LRRC8D: variants seen among roughly 807,000 people sequenced by gnomAD.
The protein encoded by LRRC8D is volume-regulated anion channel subunit LRRC8D.
LRRC8D carries 20 observed loss-of-function variants against 55.8 expected under a neutral mutation model. That is an observed-to-expected ratio of 0.36 (90% confidence interval 0.25 to 0.52). The LOEUF (loss-of-function observed/expected upper bound fraction) is 0.52, where lower values mean the gene tolerates loss of function less well. Among genes scored for constraint, LRRC8D ranks in the 20% least tolerant of loss-of-function variants. The pLI is 0.93. For synonymous variants in LRRC8D, 352 were observed against 377.0 expected (o/e 0.93, Z 0.77); for missense variants, 651 against 1,030.8 (o/e 0.63, Z 5.05).
intron 2 of LRRC8D, among the ~76,000 whole-genome samples, chr1:89,898,245 A>T (rs1415598042): frequency 6.6e-6 from 1 of 152,202 alleles, no homozygotes; most frequent in Non-Finnish European, 1.5e-5. Flanking sequence ...ATCTAAAAGC[A>T]ATTCATGGGA....
chr1:89,861,377 A>T (rs1287370755), intron 2 of LRRC8D, among the ~76,000 whole-genome samples: 1 of 152,142 alleles, frequency 6.6e-6, no homozygotes. Flanking sequence ...ATTCCTTCCC[A>T]CTGACTTTGT....
intron 2 of LRRC8D, among the ~76,000 whole-genome samples, chr1:89,915,878 A>G (rs1462595480): frequency 6.6e-6 from 1 of 152,234 alleles, no homozygotes; most frequent in East Asian, 1.9e-4. Flanking sequence ...AAGATTATCA[A>G]AGTCAAAGAC....
intron 1 of LRRC8D, among the ~76,000 whole-genome samples, chr1:89,840,384 G>C (rs1299263988): frequency 6.6e-6 from 1 of 152,180 alleles, no homozygotes; most frequent in Non-Finnish European, 1.5e-5. Context: ...GGGCTGTGTT[G>C]TATTCTCCAA....
At chr1:89,892,470 C>T (rs1334422204) in intron 2 of LRRC8D, among the ~76,000 whole-genome samples, 1 of 152,056 alleles carries the variant, frequency 6.6e-6, no homozygotes, top group East Asian at 1.9e-4. Context: ...ACTCTAGGTG[C>T]AGTCATTTGA....
chr1:89,912,388 A>G (rs79268937), intron 2 of LRRC8D, among the ~76,000 whole-genome samples: 1,954 of 151,458 alleles, frequency 0.013, 43 homozygotes, highest in African/African-American at 0.044. Flanking sequence ...CCATCCTTCA[A>G]TTTTCCAACC....
chr1:89,890,144 C>T (rs539577182), intron 2 of LRRC8D, among the ~76,000 whole-genome samples: 1 of 152,230 alleles, frequency 6.6e-6, no homozygotes, highest in Non-Finnish European at 1.5e-5. Context: ...GCCAAGATCA[C>T]GCCACTGCTC....
In LRRC8D at chr1:89,934,545, G is replaced by T. The variant is rs890895858; in HGVS notation, c.1477G>T (p.Asp493Tyr). Residue 493 changes from aspartate (D) to tyrosine (Y), a missense_variant, in exon 3 of 3, where the codon GAT becomes TAT. Coordinates refer to ENST00000337338, the MANE Select transcript of LRRC8D (RefSeq NM_001134479.2). The surrounding 1 kb of genome is among the most constrained non-coding windows in gnomAD (Gnocchi z 5.9). ...PDAVFDLTDLDVLKLELIPEA... is the reference protein window; with the variant it reads ...PDAVFDLTDLYVLKLELIPEA... ...TGCTGTCTTTGACCTCACAGACCTGGATGTGCTAAAGCTTGAACTAATTCC... is the reference window on the plus strand; with the variant it reads ...TGCTGTCTTTGACCTCACAGACCTGTATGTGCTAAAGCTTGAACTAATTCC... 2.5e-6 allele frequency: 4 copies of T among 1,614,174 alleles called. No individual in the cohort carries two copies. In the South Asian group the frequency reaches 3.3e-5, roughly 13 times the overall value.
chr1:89,921,512 A>G (rs1663417488), intron 2 of LRRC8D, among the ~76,000 whole-genome samples: 1 of 151,726 alleles, frequency 6.6e-6, no homozygotes, highest in South Asian at 2.1e-4. Flanking sequence ...TAAACTTTTA[A>G]AGGTTTTTTT....
At chr1:89,891,974 G>A (rs565903372) in intron 2 of LRRC8D, among the ~76,000 whole-genome samples, 2 of 152,102 alleles carry the variant, frequency 1.3e-5, no homozygotes, top group African/African-American at 4.8e-5. Flanking sequence ...CTGTATCTCC[G>A]GTTCCATGTA....
intron 2 of LRRC8D, among the ~76,000 whole-genome samples, chr1:89,899,956 T>C (rs899998773): frequency 6.6e-6 from 1 of 152,224 alleles, no homozygotes; most frequent in Admixed American, 6.5e-5. Flanking sequence ...TGCTGGGTAG[T>C]ATACTAGTCC....
At chr1:89,842,843 G>A (rs1345985068) in intron 1 of LRRC8D, among the ~76,000 whole-genome samples, 1 of 152,118 alleles carries the variant, frequency 6.6e-6, no homozygotes, top group Non-Finnish European at 1.5e-5. Flanking sequence ...AGAGAACTAC[G>A]GAATCATTTT....
At chr1:89,837,253 TA>T (rs1203477785) in intron 1 of LRRC8D, among the ~76,000 whole-genome samples, 1 of 152,186 alleles carries the variant, frequency 6.6e-6, no homozygotes, top group Non-Finnish European at 1.5e-5. Flanking sequence ...TCTTAATATT[TA>T]TTTATTCAGC....
Position 89,935,695 on chromosome 1 carries a change from C to A in LRRC8D, c.*50C>A. ...TGTGCAGGAACAACTTCCTAGATTG[C>A]AAGTGCTCACGTACAAGTTATTACA... On this transcript the variant is annotated 3_prime_UTR_variant, in exon 3 of 3. Transcript: ENST00000337338. 6.6e-7 allele frequency: 1 copy of A among 1,520,736 alleles called. No individual in the cohort carries two copies. Among genetic ancestry groups the A allele is most frequent in the Middle Eastern group, 1.8e-4 (1 of 5,662 alleles). The allele number at this position is 1,520,736 out of a possible 1,614,324, so 94.2% of individuals were successfully genotyped here.
intron 2 of LRRC8D, among the ~76,000 whole-genome samples, chr1:89,882,518 G>T (rs1320937081): frequency 6.6e-6 from 1 of 152,200 alleles, no homozygotes; most frequent in Non-Finnish European, 1.5e-5. Flanking sequence ...GATAATGAAT[G>T]CAGAAAAGGG....
At chr1:89,824,768 G>A (rs565852355) in intron 1 of LRRC8D, among the ~76,000 whole-genome samples, 2 of 151,946 alleles carry the variant, frequency 1.3e-5, no homozygotes, top group African/African-American at 4.8e-5. Flanking sequence ...TCAGTTTATC[G>A]GCATCTCACA....
chr1:89,935,459 C>A lies in LRRC8D; in HGVS notation c.2391C>A (p.Leu797=). 6.2e-7 allele frequency: 1 copy of A among 1,614,248 alleles called. No individual in the cohort carries two copies. Among genetic ancestry groups the A allele is most frequent in the Non-Finnish European group, 8.5e-7 (1 of 1,180,042 alleles). ...ITSLPEKVGQ[L]SQLTQLELKG... is the part of the protein sequence containing the mutation. ...CACTCCCAGAGAAAGTTGGTCAGCT[C>A]TCCCAGCTCACTCAGCTGGAGCTGA... Residue 797 remains leucine, a synonymous_variant, in exon 3 of 3, where the codon CTC becomes CTA. Transcript: ENST00000337338.
chr1:89,871,407 C>T (rs1405495534), intron 2 of LRRC8D, among the ~76,000 whole-genome samples: 3 of 152,182 alleles, frequency 2.0e-5, no homozygotes, highest in African/African-American at 4.8e-5. Context: ...TAACCGCCTG[C>T]GCATAGCGTT....
chr1:89,900,395 T>G (rs1662821151), intron 2 of LRRC8D, among the ~76,000 whole-genome samples: 1 of 150,580 alleles, frequency 6.6e-6, no homozygotes, highest in African/African-American at 2.5e-5. Flanking sequence ...GTGAGAGATG[T>G]AGGTTAAAAA....
At chr1:89,833,010 C>T (rs1660922490) in intron 1 of LRRC8D, among the ~76,000 whole-genome samples, 1 of 152,178 alleles carries the variant, frequency 6.6e-6, no homozygotes, top group African/African-American at 2.4e-5. Context: ...CAGCCAAGGT[C>T]ATTACAGGAA....
Sources: allele counts gnomAD v4.1 joint callset (sites outside exome capture counted in the v4.1 genomes callset), GRCh38; gene constraint gnomAD v4.1.1; non-coding constraint Gnocchi (gnomAD v3.1); transcripts MANE v1.5; gene names NCBI Gene and HGNC (gene_info 2026-07-23, HGNC 2026-07-21).